SLC24A2: variants seen among roughly 807,000 people sequenced by gnomAD.
SLC24A2 encodes sodium/potassium/calcium exchanger 2.
Under a neutral mutation model 62.0 loss-of-function variants are expected in SLC24A2, and 36 were observed. That is an observed-to-expected ratio of 0.58 (90% CI 0.44 to 0.77). The LOEUF (loss-of-function observed/expected upper bound fraction) is 0.77, where lower values mean the gene tolerates loss of function less well. Ranked by LOEUF, SLC24A2 falls within the 30% of genes least tolerant of loss-of-function variation. The pLI is 0.00. For synonymous variants in SLC24A2, 358 were observed against 294.0 expected (o/e 1.22, Z -2.23); for missense variants, 846 against 817.9 (o/e 1.03, Z -0.42).
At chr9:20,149,680 ATTAC>A in the SLC24A2 span, among the ~76,000 whole-genome samples, 1 of 152,198 alleles carries the variant, frequency 6.6e-6, no homozygotes, top group East Asian at 1.9e-4. Context: ...TGTCAACAAT[ATTAC>A]TTTTCTTTTG....
At chr9:20,240,902 C>T in the SLC24A2 span, among the ~76,000 whole-genome samples, 1 of 152,176 alleles carries the variant, frequency 6.6e-6, no homozygotes, top group African/African-American at 2.4e-5. Flanking sequence ...GTCTCTGCCC[C>T]TGAAAGGCTA....
the SLC24A2 span, among the ~76,000 whole-genome samples, chr9:20,155,755 A>G: frequency 1.3e-5 from 2 of 151,784 alleles, no homozygotes; most frequent in Non-Finnish European, 2.9e-5. Context: ...TTAAAAACCA[A>G]AGGTGAATAC....
chr9:19,866,881 T>C, the SLC24A2 span, among the ~76,000 whole-genome samples: 1 of 151,860 alleles, frequency 6.6e-6, no homozygotes, highest in African/African-American at 2.4e-5. Flanking sequence ...CCCATGGATA[T>C]AGAGAGTAGA....
the SLC24A2 span, among the ~76,000 whole-genome samples, chr9:20,011,527 A>T: frequency 6.6e-6 from 1 of 152,228 alleles, no homozygotes; most frequent in African/African-American, 2.4e-5. Flanking sequence ...AAGATAAAGA[A>T]GAATGAAAAA....
At chr9:19,755,589 G>A (rs540908468) in intron 2 of SLC24A2, among the ~76,000 whole-genome samples, 3 of 152,290 alleles carry the variant, frequency 2.0e-5, no homozygotes, top group East Asian at 3.9e-4. Flanking sequence ...CCTGTCCAAC[G>A]GTGCTGAAGG....
At chr9:19,670,017 T>C (rs1327436608) in intron 2 of SLC24A2, among the ~76,000 whole-genome samples, 1 of 152,192 alleles carries the variant, frequency 6.6e-6, no homozygotes, top group African/African-American at 2.4e-5. Flanking sequence ...AAGACAGGCA[T>C]TCAGAGAATA....
chr9:19,684,153 G>A (rs556858351), intron 2 of SLC24A2, among the ~76,000 whole-genome samples: 2 of 152,112 alleles, frequency 1.3e-5, no homozygotes, highest in South Asian at 4.1e-4. Flanking sequence ...GGGCCAATAA[G>A]CTCCAACTTT....
chr9:19,813,460 G>A, the SLC24A2 span, among the ~76,000 whole-genome samples: 1 of 151,032 alleles, frequency 6.6e-6, no homozygotes, highest in African/African-American at 2.4e-5. Context: ...TGGGACTACA[G>A]GCGCACACCA....
intron 2 of SLC24A2, among the ~76,000 whole-genome samples, chr9:19,661,329 T>G (rs965742963): frequency 1.3e-5 from 2 of 152,128 alleles, no homozygotes; most frequent in Non-Finnish European, 2.9e-5. Context: ...TTAACCACAT[T>G]GTTGTTGTAG....
chr9:20,139,438 G>A, the SLC24A2 span, among the ~76,000 whole-genome samples: 1 of 152,194 alleles, frequency 6.6e-6, no homozygotes, highest in African/African-American at 2.4e-5. Flanking sequence ...CTAGCATAGT[G>A]TAAAGCATTC....
intron 4 of SLC24A2, among the ~76,000 whole-genome samples, chr9:19,613,831 CAGATACAGGT>C (rs1349656780): frequency 6.6e-6 from 1 of 152,144 alleles, no homozygotes; most frequent in Non-Finnish European, 1.5e-5. Flanking sequence ...GTGAGTCAGG[CAGATACAGGT>C]TCAAATTCTG....
At chr9:20,222,877 C>T in the SLC24A2 span, among the ~76,000 whole-genome samples, 1 of 152,006 alleles carries the variant, frequency 6.6e-6, no homozygotes, top group African/African-American at 2.4e-5. Context: ...AGCATTTCAC[C>T]TGCTGTGACA....
At chr9:19,547,683 C>G (rs1834649991) in intron 8 of SLC24A2, among the ~76,000 whole-genome samples, 1 of 151,544 alleles carries the variant, frequency 6.6e-6, no homozygotes, top group Non-Finnish European at 1.5e-5. Context: ...TGTATGCAAA[C>G]ATCCTCTCAT....
chr9:19,636,870 C>T (rs1403761086), intron 2 of SLC24A2, among the ~76,000 whole-genome samples: 3 of 152,046 alleles, frequency 2.0e-5, no homozygotes, highest in African/African-American at 7.2e-5. Context: ...TAACTTCCAT[C>T]GGAGTCTTAA....
the SLC24A2 span, among the ~76,000 whole-genome samples, chr9:20,246,433 T>C: frequency 6.6e-6 from 1 of 152,238 alleles, no homozygotes; most frequent in African/African-American, 2.4e-5. Flanking sequence ...TACTGGATTT[T>C]CTTAAAGCAA....
chr9:20,061,009 A>G, the SLC24A2 span, among the ~76,000 whole-genome samples: 1 of 152,222 alleles, frequency 6.6e-6, no homozygotes, highest in Non-Finnish European at 1.5e-5. Context: ...ACTGAAAACT[A>G]CAAGGCGTTG....
At chr9:19,689,295 C>T (rs1050481603) in intron 2 of SLC24A2, among the ~76,000 whole-genome samples, 1 of 152,068 alleles carries the variant, frequency 6.6e-6, no homozygotes, top group Non-Finnish European at 1.5e-5. Context: ...AATAAATCAG[C>T]CATTTATTCT....
At chr9:19,934,904 G>C in the SLC24A2 span, among the ~76,000 whole-genome samples, 131 of 152,198 alleles carry the variant, frequency 8.6e-4, 1 homozygote, top group Non-Finnish European at 2.9e-5. The surrounding 1 kb of genome is among the most constrained non-coding windows in gnomAD (Gnocchi z 4.1). Flanking sequence ...GAGTTTTGGA[G>C]GCGGGAGAGC....
chr9:19,613,811 AAC>A (rs148325314), intron 4 of SLC24A2, among the ~76,000 whole-genome samples: 5,289 of 152,210 alleles, frequency 0.035, 216 homozygotes, highest in African/African-American at 0.096. Flanking sequence ...AAGAACTACA[AAC>A]ACAGACTGTG....
Sources: allele counts gnomAD v4.1 joint callset (sites outside exome capture counted in the v4.1 genomes callset), GRCh38; gene constraint gnomAD v4.1.1; non-coding constraint Gnocchi (gnomAD v3.1); transcripts MANE v1.5; gene names NCBI Gene and HGNC (gene_info 2026-07-23, HGNC 2026-07-21).